GPC5: variants seen among roughly 807,000 people sequenced by gnomAD.
The protein encoded by GPC5 is glypican-5.
Under a neutral mutation model 53.9 loss-of-function variants are expected in GPC5, and 47 were observed. The observed-to-expected ratio is 0.87, with a 90% CI of 0.69 to 1.11. The LOEUF is 1.11. GPC5 is among the 50% of genes most tolerant of loss of function. The pLI is 0.00. For missense variants in GPC5, 748 were observed against 713.1 expected, an observed-to-expected ratio of 1.05 and a Z score of -0.56; for synonymous variants, 286 against 263.3, an observed-to-expected ratio of 1.09 and a Z score of -0.84.
rs1555321616 is a variant in GPC5 at position 91,541,843 on chromosome 13, T to TCCTAACAAA, written c.325+92922_325+92923insCTAACAAAC. Among the ~76,000 whole-genome samples, 9 of 151,170 alleles carry TCCTAACAAA rather than the reference T, an allele frequency of 6.0e-5. 1 individual carries two copies. In the South Asian group the frequency reaches 8.3e-4, roughly 14 times the overall value. On this transcript the variant is annotated intron_variant, in intron 2 of 7. Coordinates refer to ENST00000377067, the MANE Select transcript of GPC5 (RefSeq NM_004466.6). ...TTAATTAATAATAAAAAAGCAGTGA[T>TCCTAACAAA]CATTCTTATTTCTGACTTTAATAAG...
chr13:92,563,444 T>C (rs978493146), intron 7 of GPC5, among the ~76,000 whole-genome samples: 2 of 152,024 alleles, frequency 1.3e-5, no homozygotes, highest in African/African-American at 4.8e-5. Flanking sequence ...TTCTCTTAAA[T>C]TTTAACTTGC....
At chr13:91,986,596 C>A (rs2040410560) in intron 6 of GPC5, among the ~76,000 whole-genome samples, 2 of 152,252 alleles carry the variant, frequency 1.3e-5, no homozygotes, top group Admixed American at 1.3e-4. Flanking sequence ...TAGTGAGCAC[C>A]TCACTTATTT....
At chr13:91,712,754 C>T (rs1260957218) in intron 3 of GPC5, among the ~76,000 whole-genome samples, 1 of 151,808 alleles carries the variant, frequency 6.6e-6, no homozygotes, top group African/African-American at 2.4e-5. Flanking sequence ...AGTAGTATCA[C>T]AAAACCACTC....
At chr13:91,918,106 T>C (rs1173507940) in intron 6 of GPC5, among the ~76,000 whole-genome samples, 1 of 152,130 alleles carries the variant, frequency 6.6e-6, no homozygotes. Context: ...AAACTTACAA[T>C]TATGACAGAA....
intron 7 of GPC5, among the ~76,000 whole-genome samples, chr13:92,624,525 G>A (rs1884984638): frequency 6.6e-6 from 1 of 152,110 alleles, no homozygotes; most frequent in Non-Finnish European, 1.5e-5. Context: ...TACCCTTCTT[G>A]CAAGTTATCC....
Position 91,893,355 on chromosome 13 carries a change from A to G in GPC5, c.1281-14582A>G, listed in dbSNP as rs143946804. On this transcript the variant is annotated intron_variant, in intron 5 of 7. Coordinates refer to ENST00000377067, the MANE Select transcript of GPC5 (RefSeq NM_004466.6). Reference sequence around the variant, plus strand: ...AAACCAACTTATTTATTAAAGATTTACTTAAGCCATGTGAACTAAAAGGCA... The same window carrying G: ...AAACCAACTTATTTATTAAAGATTTGCTTAAGCCATGTGAACTAAAAGGCA... Among the ~76,000 whole-genome samples the G allele has an allele frequency of 6.6e-4, 100 of 152,162 alleles. 1 individual carries two copies. Among genetic ancestry groups the G allele is most frequent in the African/African-American group, 2.3e-3 (95 of 41,566 alleles).
chr13:92,044,991 C>A (rs1219259905), intron 6 of GPC5, among the ~76,000 whole-genome samples: 3 of 152,024 alleles, frequency 2.0e-5, no homozygotes, highest in East Asian at 3.9e-4. Context: ...ATTTCTGAAC[C>A]TATTTGGAAA....
intron 2 of GPC5, among the ~76,000 whole-genome samples, chr13:91,458,607 G>A (rs1444400013): frequency 6.6e-6 from 1 of 152,072 alleles, no homozygotes; most frequent in Non-Finnish European, 1.5e-5. Context: ...AAAAATAGAT[G>A]TTGGCATGGA....
intron 7 of GPC5, among the ~76,000 whole-genome samples, chr13:92,525,926 A>C (rs9584037): frequency 0.034 from 5,189 of 152,190 alleles, 256 homozygotes; most frequent in African/African-American, 0.1. Flanking sequence ...TAAGCATTGA[A>C]TGTCTCTTTA....
At chr13:92,459,402 A>G (rs1323717054) in intron 7 of GPC5, among the ~76,000 whole-genome samples, 1 of 152,192 alleles carries the variant, frequency 6.6e-6, no homozygotes, top group Non-Finnish European at 1.5e-5. Context: ...CTGATTATGA[A>G]TTTAAATCTC....
At chr13:91,685,834 A>G (rs143725987) in intron 2 of GPC5, among the ~76,000 whole-genome samples, 240 of 152,214 alleles carry the variant, frequency 1.6e-3, no homozygotes, top group Middle Eastern at 3.4e-3. Flanking sequence ...TTGAGATTTC[A>G]AATAGAGAAA....
At chr13:92,666,957 T>C (rs1235314185) in intron 7 of GPC5, among the ~76,000 whole-genome samples, 1 of 152,190 alleles carries the variant, frequency 6.6e-6, no homozygotes, top group Non-Finnish European at 1.5e-5. Context: ...TTCTATTCCA[T>C]TCTTAACTGA....
intron 7 of GPC5, among the ~76,000 whole-genome samples, chr13:92,381,626 T>C (rs1186928571): frequency 2.7e-5 from 4 of 150,788 alleles, no homozygotes; most frequent in African/African-American, 9.9e-5. Flanking sequence ...GAACTACCAT[T>C]TGATCCGGCA....
intron 1 of GPC5, among the ~76,000 whole-genome samples, chr13:91,443,603 A>G (rs530803152): frequency 1.3e-5 from 2 of 152,288 alleles, no homozygotes; most frequent in East Asian, 3.9e-4. Context: ...CTGTCATCTG[A>G]CAGATTTTCT....
intron 2 of GPC5, among the ~76,000 whole-genome samples, chr13:91,553,406 A>T (rs1263122166): frequency 6.6e-6 from 1 of 151,950 alleles, no homozygotes; most frequent in Non-Finnish European, 1.5e-5. Context: ...CTTCTCCTTT[A>T]TTTTTTTAAA....
At chr13:92,527,068 A>G (rs1027013114) in intron 7 of GPC5, among the ~76,000 whole-genome samples, 22 of 146,040 alleles carry the variant, frequency 1.5e-4, no homozygotes, top group African/African-American at 5.6e-4. Flanking sequence ...ATTTAAACCT[A>G]AAGATCCCAC....
intron 1 of GPC5, among the ~76,000 whole-genome samples, chr13:91,416,659 A>T (rs776109836): frequency 1.7e-4 from 26 of 150,824 alleles, no homozygotes; most frequent in Non-Finnish European, 2.5e-4. Context: ...TGCCCAAGTG[A>T]TCTCATTGTT....
intron 2 of GPC5, among the ~76,000 whole-genome samples, chr13:91,478,822 T>C (rs750122232): frequency 0.06 from 5,555 of 92,046 alleles, 423 homozygotes; most frequent in Non-Finnish European, 0.08. Context: ...TATATATATA[T>C]ACACACACAC....
At chr13:91,733,535 G>A (rs1238236367) in intron 4 of GPC5, among the ~76,000 whole-genome samples, 1 of 151,964 alleles carries the variant, frequency 6.6e-6, no homozygotes, top group Non-Finnish European at 1.5e-5. Context: ...CCTTGAAGAG[G>A]TCCTTCACAT....
Sources: allele counts gnomAD v4.1 joint callset (sites outside exome capture counted in the v4.1 genomes callset), GRCh38; gene constraint gnomAD v4.1.1; transcripts MANE v1.5; gene names NCBI Gene and HGNC (gene_info 2026-07-23, HGNC 2026-07-21).